The following SARM1 variants were observed in gnomAD, a reference collection of about 807,000 sequenced individuals.
SARM1 encodes sterile alpha and TIR motif containing 1, also known as NAD(+) hydrolase SARM1.
Under a neutral mutation model 65.1 loss-of-function variants are expected in SARM1, and 60 were observed. The observed-to-expected ratio is 0.92, with a 90% CI of 0.75 to 1.14. The LOEUF is 1.14. Among genes scored for constraint, SARM1 ranks in the 50% most tolerant of loss-of-function variants. SARM1 has a pLI of 0.00. For missense variants in SARM1, 913 were observed against 1,015.7 expected, an observed-to-expected ratio of 0.90 and a Z score of 1.37; for synonymous variants, 417 against 465.4, an observed-to-expected ratio of 0.90 and a Z score of 1.34.
In SARM1 at chr17:28,397,696, G is replaced by C. The variant is rs1210507922; in HGVS notation, c.*1410G>C. The C allele has an allele frequency of 6.6e-6, 1 of 152,246 alleles. No individual in the cohort carries two copies. The highest frequency in any genetic ancestry group is 2.4e-5 in the African/African-American group (1 of 41,448). The allele number at this position is 152,246 out of a possible 1,614,324, so 9.4% of individuals were successfully genotyped here. A position where few individuals can be genotyped will look rare whatever the true frequency, so the allele number is the denominator to read the frequency against. On this transcript the variant is annotated 3_prime_UTR_variant, in exon 9 of 9. Coordinates refer to ENST00000585482, the MANE Select transcript of SARM1 (RefSeq NM_015077.4). ...GGGGGATAGGATTTTGCAACAAAAA[G>C]CTGACCCAGAGGCCATACAGAGCAG...
chr17:28,389,387 T>A (rs1414508961), intron 7 of SARM1, among the ~76,000 whole-genome samples: 3 of 152,192 alleles, frequency 2.0e-5, no homozygotes, highest in Non-Finnish European at 4.4e-5. Flanking sequence ...AACTACTATA[T>A]CTGTTTAATT....
In SARM1 at chr17:28,395,933, A is replaced by G. The variant is rs1555587730; in HGVS notation, c.1952A>G (p.Lys651Arg). Residue 651 changes from lysine (K) to arginine (R), a missense_variant, in exon 8 of 9, where the codon AAG becomes AGG. Lys to Arg is a conservative substitution (Grantham distance 26, BLOSUM62 2). This residue lies in a region of SARM1 where 862 missense variants were observed against 952.1 expected (regional missense o/e 0.91). Coordinates refer to ENST00000585482, the MANE Select transcript of SARM1 (RefSeq NM_015077.4). ...KEIVTALSCG[K>R]NIVPIIDGFE... ...ATTGTGACTGCTTTAAGCTGCGGCA[A>G]GAACATTGTGCCCATCATTGATGGC... is the stretch of plus-strand genomic sequence containing the variant. 7 of 1,613,808 alleles carry G rather than the reference A, an allele frequency of 4.3e-6. No homozygotes were observed. The highest frequency in any genetic ancestry group is 5.9e-6 in the Non-Finnish European group (7 of 1,179,870).
chr17:28,385,075 C>T lies in SARM1; in HGVS notation c.1430C>T (p.Ala477Val). ...GAGCTCACGGAGCTCAAGACCTTCG[C>T]CAACTATTCTACGTGCGACCGCAGC... is the stretch of plus-strand genomic sequence containing the variant. Reference protein sequence around the residue: ...FRELTELKTFANYSTCDRSNL... With the variant: ...FRELTELKTFVNYSTCDRSNL... The change falls in exon 5 of 9, where the codon GCC becomes GTC. Residue 477 changes from alanine to valine, a missense_variant. Ala to Val is a moderately conservative substitution (Grantham distance 64, BLOSUM62 0). This residue lies in a region of SARM1 where 862 missense variants were observed against 952.1 expected (regional missense o/e 0.91). Coordinates refer to ENST00000585482, the MANE Select transcript of SARM1 (RefSeq NM_015077.4). The surrounding 1 kb of genome is among the most constrained non-coding windows in gnomAD (Gnocchi z 4.5). 1 of 1,613,890 alleles carries T rather than the reference C, an allele frequency of 6.2e-7. No individual in the cohort carries two copies. The highest frequency in any genetic ancestry group is 8.5e-7 in the Non-Finnish European group (1 of 1,179,844).
chr17:28,380,146 G>C (rs2068014388), intron 1 of SARM1, among the ~76,000 whole-genome samples: 1 of 135,540 alleles, frequency 7.4e-6, no homozygotes, highest in South Asian at 2.4e-4. Context: ...GGTCTCAAGT[G>C]AGCCTCCCAC....
chr17:28,383,267 G>A (rs983565170), intron 2 of SARM1, among the ~76,000 whole-genome samples: 4 of 152,134 alleles, frequency 2.6e-5, no homozygotes, highest in South Asian at 4.1e-4. Flanking sequence ...CCAGCTACTC[G>A]GGAGGCTGAG....
intron 1 of SARM1, among the ~76,000 whole-genome samples, chr17:28,375,481 C>T (rs1296259738): frequency 6.6e-6 from 1 of 151,864 alleles, no homozygotes; most frequent in Non-Finnish European, 1.5e-5. Context: ...GCCTGTAATC[C>T]CAGCTACTCT....
chr17:28,377,070 G>A (rs538999333), intron 1 of SARM1, among the ~76,000 whole-genome samples: 2 of 152,290 alleles, frequency 1.3e-5, no homozygotes, highest in South Asian at 2.1e-4. Flanking sequence ...GATTACAGGC[G>A]TGAGCTACCG....
In SARM1 at chr17:28,381,311, G is replaced by A. The variant is rs781938445; in HGVS notation, c.579G>A (p.Lys193=). The change falls in exon 2 of 9, where the codon AAG becomes AAA. Residue 193 remains lysine (K), a synonymous_variant. Transcript: ENST00000585482. ...SVAGILEHMF[K]HSEETCQRLV... ...CAGGCATCTTGGAGCACATGTTCAA[G>A]CATTCGGAGGAGACATGCCAGAGGC... 14 of 1,602,318 alleles carry A rather than the reference G, an allele frequency of 8.7e-6. No homozygotes were observed. In the South Asian group the frequency reaches 1.0e-4, roughly 12 times the overall value.
rs368140256 is a variant in SARM1, at chr17:28,402,182, C to T, written c.*5896C>T. On this transcript the variant is annotated 3_prime_UTR_variant, in exon 9 of 9. Transcript: ENST00000585482. Reference sequence around the variant, plus strand: ...CCCCAGCCATGGCTGCCCATCAGCCCGTTTCGGGCAGCACTGGACATGAGG... The same window carrying T: ...CCCCAGCCATGGCTGCCCATCAGCCTGTTTCGGGCAGCACTGGACATGAGG... 4.1e-6 allele frequency: 6 copies of T among 1,481,188 alleles called. No homozygotes were observed. In the African/African-American group the frequency reaches 4.2e-5, roughly 10 times the overall value. 91.8% of individuals were successfully genotyped at this position (1,481,188 alleles called of 1,614,324 possible).
At position 28,388,252 on chromosome 17, in the gene SARM1, G is replaced by A. The variant is rs539229444; in HGVS notation, c.1709G>A (p.Arg570Gln). ...CCAGATGTCTTCATCAGCTACCGCC[G>A]GAACTCAGGTTCCCAGCTGGCCAGG... ...DTPDVFISYR[R>Q]NSGSQLASLL... The change falls in exon 6 of 9, where the codon CGG (arginine) becomes CAG (glutamine). Residue 570 changes from arginine (R) to glutamine (Q), a missense_variant. Physicochemically the swap from Arg to Gln is conservative, Grantham distance 43. Coordinates refer to ENST00000585482, the MANE Select transcript of SARM1 (RefSeq NM_015077.4). 70 of 1,553,732 alleles carry A rather than the reference G, an allele frequency of 4.5e-5. No individual in the cohort carries two copies. Among genetic ancestry groups the A allele is most frequent in the South Asian group, 5.9e-5 (5 of 84,422 alleles).
intron 1 of SARM1, among the ~76,000 whole-genome samples, chr17:28,376,860 G>T (rs2142424783): frequency 6.7e-6 from 1 of 149,542 alleles, no homozygotes; most frequent in African/African-American, 2.5e-5. Context: ...ACGATCTTGG[G>T]CTCACTGCAA....
At position 28,382,509 on chromosome 17, in the gene SARM1, C is replaced by T. The variant is rs539549430; in HGVS notation, c.1089+688C>T. On this transcript the variant is annotated intron_variant, in intron 2 of 8. Coordinates refer to ENST00000585482, the MANE Select transcript of SARM1 (RefSeq NM_015077.4). ...AGTGTGTCAGCCAGATAACCCCCAT[C>T]GGAGTCCCAAGGGGTCCTCATGTCC... Among the ~76,000 whole-genome samples the T allele has an allele frequency of 1.1e-4, 16 of 152,246 alleles. No individual in the cohort carries two copies. The South Asian group carries it at 2.3e-3, about 22-fold the overall frequency.
At chr17:28,390,394 G>T (rs1430130824) in intron 7 of SARM1, among the ~76,000 whole-genome samples, 1 of 152,012 alleles carries the variant, frequency 6.6e-6, no homozygotes, top group Non-Finnish European at 1.5e-5. Flanking sequence ...ATTATCTCCT[G>T]AGTCCGGAAA....
In SARM1 at chr17:28,396,304, A is replaced by C. The variant is rs1418029761; in HGVS notation, c.*18A>C. 1 of 1,613,134 alleles carries C rather than the reference A, an allele frequency of 6.2e-7. No individual in the cohort carries two copies. Among genetic ancestry groups the C allele is most frequent in the Non-Finnish European group, 8.5e-7 (1 of 1,179,446 alleles). On this transcript the variant is annotated 3_prime_UTR_variant, in exon 9 of 9. Coordinates refer to ENST00000585482, the MANE Select transcript of SARM1 (RefSeq NM_015077.4). The stretch of plus-strand genomic sequence containing the variant: ...CAACCTAACCAGTCCCCAGTTCCCC[A>C]GCCCTGCTGTGACTTCCATTTCCAT...
rs1555585786 is a variant in SARM1, at chr17:28,385,008, G to T, written c.1395-32G>T. ...TCCGCCCACAGCCCGTCCGAGTCTGGACCTCAGCGTCTTCTCCTCCGTGGG... is the reference window on the plus strand; with the variant it reads ...TCCGCCCACAGCCCGTCCGAGTCTGTACCTCAGCGTCTTCTCCTCCGTGGG... On this transcript the variant is annotated intron_variant, in intron 4 of 8. Transcript: ENST00000585482. The surrounding 1 kb of genome is among the most constrained non-coding windows in gnomAD (Gnocchi z 4.5). The T allele has an allele frequency of 6.2e-7, 1 of 1,610,200 alleles. No homozygotes were observed.
intron 7 of SARM1, chr17:28,394,895 T>C (rs2068101757): frequency 1.3e-5 from 2 of 152,154 alleles, no homozygotes; most frequent in African/African-American, 4.8e-5. Context: ...AGTGCTTTGA[T>C]TGGTTATAGA....
Position 28,388,553 on chromosome 17 carries a change from T to G in SARM1, c.1923+14T>G. 1 of 1,609,584 alleles carries G rather than the reference T, an allele frequency of 6.2e-7. No homozygotes were observed. Among genetic ancestry groups the G allele is most frequent in the Non-Finnish European group, 8.5e-7 (1 of 1,178,938 alleles). ...TGGGTGCATAAGGTAGGTGCCTGCCTATGCTTCTGCGGTCCCAGCATTGGC... is the reference window on the plus strand; with the variant it reads ...TGGGTGCATAAGGTAGGTGCCTGCCGATGCTTCTGCGGTCCCAGCATTGGC... On this transcript the variant is annotated intron_variant, in intron 7 of 8. Coordinates refer to ENST00000585482, the MANE Select transcript of SARM1 (RefSeq NM_015077.4).
chr17:28,392,401 C>T (rs1378984649), intron 7 of SARM1, among the ~76,000 whole-genome samples: 2 of 152,184 alleles, frequency 1.3e-5, no homozygotes, highest in Non-Finnish European at 2.9e-5. Flanking sequence ...CAGACATGAG[C>T]CACCACACAC....
Position 28,372,376 on chromosome 17 carries a change from G to T in SARM1, c.344G>T (p.Gly115Val). 6.6e-7 allele frequency: 1 copy of T among 1,524,466 alleles called. No homozygotes were observed. Among genetic ancestry groups the T allele is most frequent in the Middle Eastern group, 2.2e-4 (1 of 4,634 alleles). The allele number at this position is 1,524,466 out of a possible 1,614,324, so 94.4% of individuals were successfully genotyped here. A position where few individuals can be genotyped will look rare whatever the true frequency, so the allele number is the denominator to read the frequency against. The change falls in exon 1 of 9, where the codon GGT (glycine) becomes GTT (valine). Residue 115 changes from glycine to valine, a missense_variant. Physicochemically the swap from Gly to Val is moderately radical, Grantham distance 109. This residue lies in a region of SARM1 where 862 missense variants were observed against 952.1 expected (regional missense o/e 0.91). Transcript: ENST00000585482. The surrounding 1 kb of genome is among the most constrained non-coding windows in gnomAD (Gnocchi z 5.2). ...LPAVGREVAQ[G>V]LCDAIRLDGG... is the part of the protein sequence containing the mutation. ...GCCGTGGGCCGCGAGGTAGCCCAGG[G>T]TCTGTGCGACGCCATCCGCCTCGAT...
Sources: allele counts gnomAD v4.1 joint callset (sites outside exome capture counted in the v4.1 genomes callset), GRCh38; gene constraint gnomAD v4.1.1; regional missense constraint gnomAD v4.1.1; non-coding constraint Gnocchi (gnomAD v3.1); transcripts MANE v1.5; gene names NCBI Gene and HGNC (gene_info 2026-07-23, HGNC 2026-07-21).